Variants in UGGT1 observed in about 807,000 individuals in gnomAD.
The protein encoded by UGGT1 is UDP-glucose:glycoprotein glucosyltransferase 1.
Under a neutral mutation model 203.9 loss-of-function variants are expected in UGGT1, and 107 were observed. The ratio of observed to expected loss-of-function variants is 0.52; its 90% CI spans 0.45 to 0.62. The LOEUF is 0.62. Among genes scored for constraint, UGGT1 ranks in the 20% least tolerant of loss-of-function variants. UGGT1 has a pLI of 0.00. For synonymous variants in UGGT1, 628 were observed against 653.5 expected, an observed-to-expected ratio of 0.96 and a Z score of 0.59; for missense variants, 1,673 against 1,867.2, an observed-to-expected ratio of 0.90 and a Z score of 1.92.
chr2:128,094,175 T>C (rs565281967), intron 1 of UGGT1, among the ~76,000 whole-genome samples: 1 of 152,134 alleles, frequency 6.6e-6, no homozygotes, highest in East Asian at 1.9e-4. Context: ...ATTGTAAACA[T>C]AGCTAATAGC....
intron 16 of UGGT1, among the ~76,000 whole-genome samples, chr2:128,142,318 G>A (rs2105454699): frequency 6.6e-6 from 1 of 151,634 alleles, no homozygotes; most frequent in Middle Eastern, 3.4e-3. Context: ...AGGTGTGGTG[G>A]CTCATGCCTG....
intron 14 of UGGT1, among the ~76,000 whole-genome samples, chr2:128,134,578 G>A (rs1689040775): frequency 1.3e-5 from 2 of 152,194 alleles, no homozygotes; most frequent in Non-Finnish European, 2.9e-5. Flanking sequence ...ATTTTTTAAG[G>A]TGAGAGAGTT....
chr2:128,183,330 C>T (rs776047400), intron 37 of UGGT1, among the ~76,000 whole-genome samples: 4 of 152,298 alleles, frequency 2.6e-5, no homozygotes, highest in African/African-American at 9.6e-5. Context: ...GTTTTCCCCC[C>T]CCTGTAACAT....
chr2:128,169,048 T>TAAAAAAAAAAAAAA (rs544381740), intron 26 of UGGT1, among the ~76,000 whole-genome samples: 7 of 52,566 alleles, frequency 1.3e-4, no homozygotes, highest in Non-Finnish European at 2.3e-4. Flanking sequence ...ACTCTGTCTT[T>TAAAAAAAAAAAAAA]AAAAAAAAAA....
intron 36 of UGGT1, 147 bp downstream of exon 36, chr2:128,181,219 A>C: frequency 1.3e-6 from 1 of 757,928 alleles, no homozygotes; most frequent in East Asian, 2.7e-5. Context: ...AGATGTCATC[A>C]CTTTTTAAAT....
At chr2:128,156,735 C>CT (rs1306511287) in intron 21 of UGGT1, among the ~76,000 whole-genome samples, 3 of 151,648 alleles carry the variant, frequency 2.0e-5, no homozygotes, top group Non-Finnish European at 4.4e-5. Flanking sequence ...GTCCAGCTAA[C>CT]TTTTTTGTAT....
At chr2:128,130,032 G>A (rs909768561) in intron 13 of UGGT1, among the ~76,000 whole-genome samples, 4 of 152,012 alleles carry the variant, frequency 2.6e-5, no homozygotes, top group East Asian at 1.9e-4. Context: ...AGGCCAAGGC[G>A]GGTGGATCAC....
chr2:128,161,578 T>C (rs1057432661), intron 25 of UGGT1, among the ~76,000 whole-genome samples: 24 of 152,212 alleles, frequency 1.6e-4, no homozygotes, highest in Non-Finnish European at 2.9e-4. Flanking sequence ...GGAATACTTA[T>C]GTAAAGTGAT....
At chr2:128,110,052 T>C (rs1044829237) in intron 5 of UGGT1, among the ~76,000 whole-genome samples, 9 of 152,216 alleles carry the variant, frequency 5.9e-5, no homozygotes, top group African/African-American at 2.2e-4. Context: ...GTCATTGGCT[T>C]AGTAAGGAAT....
intron 15 of UGGT1, 113 bp downstream of exon 15, chr2:128,135,074 C>T: frequency 1.2e-6 from 1 of 858,642 alleles, no homozygotes; most frequent in East Asian, 2.7e-5. Context: ...GTGCACATCA[C>T]TAATGGCAAT....
chr2:128,185,624 C>A (rs981916652), intron 38 of UGGT1, among the ~76,000 whole-genome samples: 4 of 152,182 alleles, frequency 2.6e-5, no homozygotes, highest in Admixed American at 2.0e-4. Context: ...CAGGCTCACA[C>A]CACCAGGCCC....
At position 128,193,152 on chromosome 2, in the gene UGGT1, G is replaced by A. The variant is rs1487635762; in HGVS notation, c.*3410G>A. On this transcript the variant is annotated 3_prime_UTR_variant, in exon 41 of 41. Transcript: ENST00000259253. ...AGATCATGCCACTGCACTCCAGCCTGGCAATAGAGCGAGACTCCGTCTCAA... is the reference window on the plus strand; with the variant it reads ...AGATCATGCCACTGCACTCCAGCCTAGCAATAGAGCGAGACTCCGTCTCAA... 1 of 117,796 alleles carries A rather than the reference G, an allele frequency of 8.5e-6. No homozygotes were observed. Among genetic ancestry groups the A allele is most frequent in the Non-Finnish European group, 1.6e-5 (1 of 60,638 alleles). The allele number at this position is 117,796 out of a possible 1,614,324, so 7.3% of individuals were successfully genotyped here.
chr2:128,114,485 C>T (rs535255190), intron 6 of UGGT1, among the ~76,000 whole-genome samples: 57 of 152,304 alleles, frequency 3.7e-4, no homozygotes, highest in Admixed American at 1.3e-3. Context: ...GATTCTCCCT[C>T]TGCCCCCTTC....
intron 33 of UGGT1, among the ~76,000 whole-genome samples, chr2:128,178,259 A>G (rs1191649562): frequency 2.0e-5 from 3 of 152,138 alleles, no homozygotes; most frequent in African/African-American, 7.2e-5. Context: ...TCCTAAAACA[A>G]CACTGTCGGA....
At chr2:128,157,182 T>G in intron 21 of UGGT1, 70 bp from the exon 22 acceptor site, 1 of 1,097,194 alleles carries the variant, frequency 9.1e-7, no homozygotes, top group Non-Finnish European at 1.4e-6. Flanking sequence ...TCAATTTCAT[T>G]TTCAGAATGT....
intron 13 of UGGT1, among the ~76,000 whole-genome samples, chr2:128,132,147 T>G (rs1401889679): frequency 6.6e-6 from 1 of 152,168 alleles, no homozygotes; most frequent in African/African-American, 2.4e-5. Flanking sequence ...CAATTGAGGG[T>G]GTACACATTT....
intron 19 of UGGT1, among the ~76,000 whole-genome samples, chr2:128,153,914 G>A (rs368732340): frequency 6.0e-4 from 91 of 152,306 alleles, no homozygotes; most frequent in African/African-American, 2.1e-3. Context: ...AAAGATGTGT[G>A]TAATGAAGTC....
chr2:128,118,542 G>A (rs1314017930), intron 8 of UGGT1, among the ~76,000 whole-genome samples: 2 of 152,124 alleles, frequency 1.3e-5, no homozygotes, highest in African/African-American at 2.4e-5. Flanking sequence ...TAGAATTACA[G>A]GTGTGAGCTA....
intron 2 of UGGT1, among the ~76,000 whole-genome samples, chr2:128,100,089 G>A (rs1004028938): frequency 7.8e-6 from 1 of 128,776 alleles, no homozygotes; most frequent in African/African-American, 3.1e-5. Context: ...GAGTTCAGTG[G>A]CGCCATCTTG....
Sources: allele counts gnomAD v4.1 joint callset (sites outside exome capture counted in the v4.1 genomes callset), GRCh38; gene constraint gnomAD v4.1.1; transcripts MANE v1.5; gene names NCBI Gene and HGNC (gene_info 2026-07-23, HGNC 2026-07-21).